Variants in POM121C observed in about 807,000 individuals in gnomAD.
The protein encoded by POM121C is nuclear envelope pore membrane protein POM 121C.
In POM121C, 20 loss-of-function variants were observed where a neutral mutation model predicts 66.4. The ratio of observed to expected loss-of-function variants is 0.30; its 90% CI spans 0.21 to 0.44. POM121C has a LOEUF of 0.44. Ranked by LOEUF, POM121C falls within the 20% of genes least tolerant of loss-of-function variation. POM121C has a pLI of 1.00. For synonymous variants in POM121C, 286 were observed against 528.0 expected (o/e 0.54, Z 6.28); for missense variants, 580 against 1,225.7 (o/e 0.47, Z 7.87).
chr7:75,459,924 A>C (rs587645502), intron 3 of POM121C, among the ~76,000 whole-genome samples: 2 of 147,878 alleles, frequency 1.4e-5, no homozygotes, highest in African/African-American at 5.0e-5. Flanking sequence ...GCCAATGATC[A>C]TAAGTATGTA....
chr7:75,484,716 C>CT (rs1218211062), intron 1 of POM121C, among the ~76,000 whole-genome samples: 1 of 149,602 alleles, frequency 6.7e-6, no homozygotes. Flanking sequence ...GCCTGTAACT[C>CT]TAAGATAATC....
At chr7:75,434,279 ATT>A (rs78983395) in intron 7 of POM121C, among the ~76,000 whole-genome samples, 2 of 144,650 alleles carry the variant, frequency 1.4e-5, no homozygotes, top group African/African-American at 5.1e-5. Context: ...ATTAAATACT[ATT>A]TTTTTTTTTT....
intron 13 of POM121C, 195 bp downstream of exon 13, chr7:75,421,314 C>T: frequency 7.1e-7 from 1 of 1,399,650 alleles, no homozygotes; most frequent in Non-Finnish European, 9.5e-7. Flanking sequence ...AGGCCTTTGA[C>T]CAGTTAAATC....
At position 75,486,099 on chromosome 7, in the gene POM121C, G is replaced by T; in HGVS notation, c.-693C>A. On this transcript the variant is annotated 5_prime_UTR_variant, in exon 1 of 15. Transcript: ENST00000615331. The stretch of plus-strand genomic sequence containing the variant: ...CTCTGGCCCCAGCGCCGCCGGCTCC[G>T]GGGTTCACGCTCGGGGGTCCCAGCT... 1 of 365,660 alleles carries T rather than the reference G, an allele frequency of 2.7e-6. No individual in the cohort carries two copies. Among genetic ancestry groups the T allele is most frequent in the South Asian group, 2.0e-5 (1 of 50,018 alleles). The allele number at this position is 365,660 out of a possible 1,614,324, so 22.7% of individuals were successfully genotyped here.
At position 75,479,289 on chromosome 7, in the gene POM121C, CTG is replaced by C. The variant is rs1419521143; in HGVS notation, c.-457-4103_-457-4102del. Among the ~76,000 whole-genome samples the C allele has an allele frequency of 2.0e-5, 3 of 152,200 alleles. No individual in the cohort carries two copies. The South Asian group carries it at 6.2e-4, about 32-fold the overall frequency. On this transcript the variant is annotated intron_variant, in intron 1 of 14. Transcript: ENST00000615331. ...GAATGAAGAGTACCAGAAATGGTAACTGTGTATTTTCTCTCATTACTTAAATC... is the reference window on the plus strand; with the variant it reads ...GAATGAAGAGTACCAGAAATGGTAACTGTATTTTCTCTCATTACTTAAATC...
chr7:75,482,257 G>A (rs1263273104), intron 1 of POM121C, among the ~76,000 whole-genome samples: 1 of 152,138 alleles, frequency 6.6e-6, no homozygotes, highest in Non-Finnish European at 1.5e-5. Flanking sequence ...ACAGTATTAT[G>A]GGTTATTCCT....
Position 75,419,598 on chromosome 7 carries a change from A to G in POM121C, c.2744-156T>C, listed in dbSNP as rs587730627. The G allele has an allele frequency of 9.4e-3, 8,011 of 851,406 alleles. 41 individuals carry two copies. The highest frequency in any genetic ancestry group is 0.019 in the Middle Eastern group (53 of 2,816). 52.7% of individuals were successfully genotyped at this position (851,406 alleles called of 1,614,324 possible). A position where few individuals can be genotyped will look rare whatever the true frequency, so the allele number is the denominator to read the frequency against. The stretch of plus-strand genomic sequence containing the variant: ...CCTCCATCAGCAGCTGAGCCAGACA[A>G]CCGAGTCTTCATGCCTGGTGCCCCA... On this transcript the variant is annotated intron_variant, in intron 13 of 14. Transcript: ENST00000615331.
intron 7 of POM121C, among the ~76,000 whole-genome samples, chr7:75,435,246 A>T (rs1790358658): frequency 6.6e-6 from 1 of 152,228 alleles, no homozygotes; most frequent in South Asian, 2.1e-4. Flanking sequence ...ACTGCTATGG[A>T]ATGACGTCAA....
intron 7 of POM121C, among the ~76,000 whole-genome samples, chr7:75,436,319 A>G (rs1411060037): frequency 1.3e-5 from 2 of 152,210 alleles, no homozygotes; most frequent in African/African-American, 2.4e-5. Context: ...ACTTCAGTAT[A>G]GGCTAAAAAT....
rs1269836967 is a variant in POM121C at position 75,417,088 on chromosome 7, ACCCT to A, written c.*1704_*1707del. On this transcript the variant is annotated 3_prime_UTR_variant, in exon 15 of 15. Coordinates refer to ENST00000615331, the MANE Select transcript of POM121C (RefSeq NM_001099415.3). ...GATTGCTAGGCCCAGGCCCACCCAG[ACCCT>A]CCAATCCTAACAGGTATTTAGGCTT... is the stretch of plus-strand genomic sequence containing the variant. 1 of 1,049,046 alleles carries A rather than the reference ACCCT, an allele frequency of 9.5e-7. No homozygotes were observed. The highest frequency in any genetic ancestry group is 1.2e-6 in the Non-Finnish European group (1 of 866,862). 65.0% of individuals were successfully genotyped at this position (1,049,046 alleles called of 1,614,324 possible).
At chr7:75,450,424 C>T (rs1442735511) in intron 3 of POM121C, among the ~76,000 whole-genome samples, 20 of 152,204 alleles carry the variant, frequency 1.3e-4, no homozygotes, top group South Asian at 2.1e-4. Flanking sequence ...AGTTGTTACA[C>T]GGGCTTTGCC....
chr7:75,469,332 A>C (rs1791789380), intron 3 of POM121C, among the ~76,000 whole-genome samples: 1 of 152,132 alleles, frequency 6.6e-6, no homozygotes, highest in African/African-American at 2.4e-5. Flanking sequence ...TCCTGGGCTC[A>C]AGTGATCCTC....
chr7:75,481,596 T>C (rs1584722606), intron 1 of POM121C, among the ~76,000 whole-genome samples: 1 of 152,148 alleles, frequency 6.6e-6, no homozygotes. Context: ...ACTGGGAGGT[T>C]AAAGAAGAGG....
At chr7:75,465,649 A>G (rs1372940310) in intron 3 of POM121C, among the ~76,000 whole-genome samples, 1 of 150,836 alleles carries the variant, frequency 6.6e-6, no homozygotes, top group African/African-American at 2.4e-5. Flanking sequence ...GCTACTCTGG[A>G]GGCTGAGGCA....
At chr7:75,436,236 C>T (rs587619717) in intron 7 of POM121C, among the ~76,000 whole-genome samples, 3 of 152,262 alleles carry the variant, frequency 2.0e-5, no homozygotes, top group East Asian at 1.9e-4. Context: ...TCTATCTTAT[C>T]TCTCCTAAAA....
intron 3 of POM121C, among the ~76,000 whole-genome samples, chr7:75,465,622 AG>A: frequency 6.6e-6 from 1 of 151,108 alleles, no homozygotes; most frequent in East Asian, 2.0e-4. Context: ...GCATGGTGGC[AG>A]GCACTTGTAA....
At chr7:75,474,365 G>A (rs1791994440) in intron 3 of POM121C, among the ~76,000 whole-genome samples, 1 of 152,148 alleles carries the variant, frequency 6.6e-6, no homozygotes, top group South Asian at 2.1e-4. Flanking sequence ...GTGCACATCA[G>A]CCTGGGTGAC....
chr7:75,438,487 C>T (rs782650642), intron 6 of POM121C, among the ~76,000 whole-genome samples: 1 of 152,204 alleles, frequency 6.6e-6, no homozygotes, highest in Non-Finnish European at 1.5e-5. Context: ...TCCACCACCA[C>T]CCCTCTGGGC....
chr7:75,454,472 T>A (rs1335551284), intron 3 of POM121C, among the ~76,000 whole-genome samples: 24 of 152,008 alleles, frequency 1.6e-4, no homozygotes, highest in African/African-American at 5.6e-4. Context: ...GAAGGTGCCA[T>A]GTGCTCTGGG....
Sources: gnomAD v4.1 joint callset for allele counts (sites outside exome capture counted in the v4.1 genomes callset) on GRCh38, gnomAD v4.1.1 for gene constraint, MANE v1.5 for transcripts, NCBI Gene and HGNC (gene_info 2026-07-23, HGNC 2026-07-21) for gene names.